The following ST6GAL2 variants were observed in gnomAD, a reference collection of about 807,000 sequenced individuals.
ST6GAL2 encodes beta-galactoside alpha-2,6-sialyltransferase 2.
A neutral mutation model predicts 37.5 loss-of-function variants in ST6GAL2; 24 were observed. The observed-to-expected ratio is 0.64, with a 90% CI of 0.46 to 0.90. ST6GAL2 has a LOEUF of 0.90. Ranked by LOEUF, ST6GAL2 falls within the 40% of genes least tolerant of loss-of-function variation. The pLI is 0.00. For synonymous variants in ST6GAL2, 306 were observed against 295.1 expected (o/e 1.04, Z -0.38); for missense variants, 715 against 712.7 (o/e 1.00, Z -0.04).
chr2:106,857,204 A>G (rs763134014), intron 1 of ST6GAL2, among the ~76,000 whole-genome samples: 10 of 152,252 alleles, frequency 6.6e-5, no homozygotes, highest in Non-Finnish European at 1.3e-4. Context: ...CTTGCTTTTT[A>G]TGATGGGATA....
At chr2:106,813,256 T>C in intron 5 of ST6GAL2, 1 of 1,295,076 alleles carries the variant, frequency 7.7e-7, no homozygotes. Flanking sequence ...AGAAAATAAG[T>C]ATTAGTATTT....
At chr2:106,821,715 A>G (rs1402336462) in intron 5 of ST6GAL2, among the ~76,000 whole-genome samples, 2 of 152,086 alleles carry the variant, frequency 1.3e-5, no homozygotes, top group Non-Finnish European at 2.9e-5. Context: ...TCAAAAAAGA[A>G]AACTATGGGC....
chr2:106,858,682 A>G (rs1677679445), intron 1 of ST6GAL2, among the ~76,000 whole-genome samples: 1 of 152,168 alleles, frequency 6.6e-6, no homozygotes, highest in African/African-American at 2.4e-5. Flanking sequence ...GAGGATTCCC[A>G]TATCCTGTCA....
chr2:106,831,107 AC>A (rs1446921103), intron 4 of ST6GAL2, among the ~76,000 whole-genome samples: 1 of 152,240 alleles, frequency 6.6e-6, no homozygotes, highest in African/African-American at 2.4e-5. Context: ...TATTAAGATC[AC>A]AGGAAATATT....
intron 5 of ST6GAL2, among the ~76,000 whole-genome samples, chr2:106,810,399 G>A (rs1266032749): frequency 6.6e-6 from 1 of 152,192 alleles, no homozygotes; most frequent in Non-Finnish European, 1.5e-5. Context: ...ATGAAAGTGG[G>A]TGTTTGTCCT....
At chr2:106,836,749 G>A (rs1342273215) in intron 2 of ST6GAL2, among the ~76,000 whole-genome samples, 1 of 99,516 alleles carries the variant, frequency 1.0e-5, no homozygotes, top group Admixed American at 1.5e-4. Flanking sequence ...CCACCATGGA[G>A]AAACCCCGTC....
rs752719123 is a variant in ST6GAL2, at chr2:106,832,649, G to C, written c.1059C>G (p.Ser353Arg). Reference sequence around the variant, plus strand: ...ACAGTGAACTGTCAATGAAGTGATGGCTGGGGTTGGTCAGAATCTGCAAAC... The same window carrying C: ...ACAGTGAACTGTCAATGAAGTGATGCCTGGGGTTGGTCAGAATCTGCAAAC... Reference protein sequence around the residue: ...IINSQILTNPSHHFIDSSLYK... With the variant: ...IINSQILTNPRHHFIDSSLYK... The change falls in exon 4 of 6, where the codon AGC (serine) becomes AGG (arginine). Residue 353 changes from serine to arginine, a missense_variant. Physicochemically the swap from Ser to Arg is moderately radical, Grantham distance 110. Coordinates refer to ENST00000409382, the MANE Select transcript of ST6GAL2 (RefSeq NM_001142351.2). The C allele has an allele frequency of 1.9e-6, 3 of 1,611,402 alleles. No homozygotes were observed. In the East Asian group the frequency reaches 6.7e-5, roughly 36 times the overall value.
In ST6GAL2 at chr2:106,803,693, T is replaced by C. The variant is rs1675330498; in HGVS notation, c.*2985A>G. On this transcript the variant is annotated 3_prime_UTR_variant, in exon 6 of 6. Coordinates refer to ENST00000409382, the MANE Select transcript of ST6GAL2 (RefSeq NM_001142351.2). ...ATCTTGAAATACAAAAGAACGTCTG[T>C]TGGTCCTGAGAGTGAAAAAAGGAAT... 1 of 152,170 alleles carries C rather than the reference T, an allele frequency of 6.6e-6. No homozygotes were observed. The highest frequency in any genetic ancestry group is 6.5e-5 in the Admixed American group (1 of 15,274). 9.4% of individuals were successfully genotyped at this position (152,170 alleles called of 1,614,324 possible).
chr2:106,835,315 G>C (rs1676592654), intron 2 of ST6GAL2, among the ~76,000 whole-genome samples: 1 of 152,194 alleles, frequency 6.6e-6, no homozygotes, highest in African/African-American at 2.4e-5. Context: ...GCCCGCACAA[G>C]TGCCTAAGGC....
chr2:106,863,430 T>C (rs1372702969), intron 1 of ST6GAL2, among the ~76,000 whole-genome samples: 1 of 152,188 alleles, frequency 6.6e-6, no homozygotes, highest in Non-Finnish European at 1.5e-5. Context: ...AGAACAAAAC[T>C]ACACACTGTA....
intron 4 of ST6GAL2, 127 bp from the exon 5 acceptor site, chr2:106,830,367 C>T: frequency 5.6e-6 from 4 of 719,812 alleles, no homozygotes; most frequent in South Asian, 5.3e-5. Flanking sequence ...GATCATGACT[C>T]ATGACATCTA....
chr2:106,842,957 G>T, intron 2 of ST6GAL2, 78 bp downstream of exon 2: 1 of 1,115,590 alleles, frequency 9.0e-7, no homozygotes, highest in Non-Finnish European at 1.2e-6. Flanking sequence ...GAGATCCAGA[G>T]GCGCGCTCAG....
intron 1 of ST6GAL2, among the ~76,000 whole-genome samples, chr2:106,865,658 A>C (rs896559327): frequency 1.3e-5 from 2 of 152,222 alleles, no homozygotes; most frequent in Admixed American, 6.5e-5. Flanking sequence ...GTTGTAAGAC[A>C]CTAAGCCATG....
Position 106,802,550 on chromosome 2 carries a change from T to C in ST6GAL2, c.*4128A>G. 6.6e-6 allele frequency: 1 copy of C among 152,142 alleles called. No individual in the cohort carries two copies. The highest frequency in any genetic ancestry group is 1.9e-4 in the East Asian group (1 of 5,192). The allele number at this position is 152,142 out of a possible 1,614,324, so 9.4% of individuals were successfully genotyped here. A position where few individuals can be genotyped will look rare whatever the true frequency, so the allele number is the denominator to read the frequency against. On this transcript the variant is annotated 3_prime_UTR_variant, in exon 6 of 6. Coordinates refer to ENST00000409382, the MANE Select transcript of ST6GAL2 (RefSeq NM_001142351.2). ...ACCTTTCATTTATCAAGTGTGTAAATAATGCCCATGTGACAGAAACATGCA... is the reference window on the plus strand; with the variant it reads ...ACCTTTCATTTATCAAGTGTGTAAACAATGCCCATGTGACAGAAACATGCA...
chr2:106,882,268 G>A (rs1318647053), intron 1 of ST6GAL2, among the ~76,000 whole-genome samples: 3 of 152,184 alleles, frequency 2.0e-5, no homozygotes, highest in Non-Finnish European at 4.4e-5. Flanking sequence ...TACAGGAGTT[G>A]TCATTCTTGT....
rs933157485 is a variant in ST6GAL2 at position 106,803,327 on chromosome 2, C to T, written c.*3351G>A. On this transcript the variant is annotated 3_prime_UTR_variant, in exon 6 of 6. Transcript: ENST00000409382. ...TCAGGCAGACAAGGAAAGACCTGGTCGTTCAAAGATGTATAAAAGCCCTCC... is the reference window on the plus strand; with the variant it reads ...TCAGGCAGACAAGGAAAGACCTGGTTGTTCAAAGATGTATAAAAGCCCTCC... 1 of 152,056 alleles carries T rather than the reference C, an allele frequency of 6.6e-6. No individual in the cohort carries two copies. Among genetic ancestry groups the T allele is most frequent in the African/African-American group, 2.4e-5 (1 of 41,392 alleles). The allele number at this position is 152,056 out of a possible 1,614,324, so 9.4% of individuals were successfully genotyped here.
At chr2:106,813,077 T>G (rs1675668342) in intron 5 of ST6GAL2, 1 of 1,236,456 alleles carries the variant, frequency 8.1e-7, no homozygotes. Context: ...GTTTTGAATC[T>G]TTAAACAGTA....
intron 4 of ST6GAL2, 75 bp from the exon 5 acceptor site, chr2:106,830,315 T>G: frequency 7.5e-7 from 1 of 1,334,984 alleles, no homozygotes; most frequent in South Asian, 1.3e-5. Context: ...GGCTGGTTGA[T>G]TTGAGGCAGA....
At chr2:106,856,558 T>C (rs762842613) in intron 1 of ST6GAL2, among the ~76,000 whole-genome samples, 2 of 152,226 alleles carry the variant, frequency 1.3e-5, no homozygotes, top group Non-Finnish European at 2.9e-5. Flanking sequence ...CTGTTTGACA[T>C]TCGTGGCACC....
Sources: gnomAD v4.1 joint callset for allele counts (sites outside exome capture counted in the v4.1 genomes callset) on GRCh38, gnomAD v4.1.1 for gene constraint, MANE v1.5 for transcripts, NCBI Gene and HGNC (gene_info 2026-07-23, HGNC 2026-07-21) for gene names.